Variants in ABCC11 observed in about 807,000 individuals in gnomAD.
The protein encoded by ABCC11 is ATP binding cassette subfamily C member 11, also known as ATP-binding cassette sub-family C member 11.
A neutral mutation model predicts 149.3 loss-of-function variants in ABCC11; 135 were observed. That is an observed-to-expected ratio of 0.90 (90% CI 0.79 to 1.04). The LOEUF (loss-of-function observed/expected upper bound fraction) is 1.04. Ranked by LOEUF, ABCC11 falls within the 50% of genes least tolerant of loss-of-function variation. The pLI, the probability that ABCC11 is intolerant of heterozygous loss-of-function variation, is 0.00. For missense variants in ABCC11, 1,680 were observed against 1,722.1 expected (o/e 0.98, Z 0.43); for synonymous variants, 665 against 671.4 (o/e 0.99, Z 0.15).
At position 48,216,271 on chromosome 16, in the gene ABCC11, G is replaced by A; in HGVS notation, c.794C>T (p.Thr265Ile). Residue 265 changes from threonine (T) to isoleucine (I), a missense_variant, in exon 7 of 30, where the codon ACC (threonine) becomes ATC (isoleucine). Coordinates refer to ENST00000356608, the MANE Select transcript of ABCC11 (RefSeq NM_001370497.1). The part of the protein sequence containing the change: ...ITSGEAISFF[T>I]GDVNYLFEGV... ...TTCAAACAGGTAGTTTACATCACCGGTGAAGAAGCTGATGGCCTGCAAGAC... is the reference window on the plus strand; with the variant it reads ...TTCAAACAGGTAGTTTACATCACCGATGAAGAAGCTGATGGCCTGCAAGAC... 6.2e-7 allele frequency: 1 copy of A among 1,613,208 alleles called. No homozygotes were observed. The highest frequency in any genetic ancestry group is 8.5e-7 in the Non-Finnish European group (1 of 1,179,828).
chr16:48,171,751 G>A (rs1376053775), intron 26 of ABCC11, among the ~76,000 whole-genome samples: 1 of 152,120 alleles, frequency 6.6e-6, no homozygotes, highest in African/African-American at 2.4e-5. Flanking sequence ...AACACTTGAG[G>A]TCAGGAGTTT....
At chr16:48,180,017 G>T (rs144711843) in intron 23 of ABCC11, among the ~76,000 whole-genome samples, 6 of 152,330 alleles carry the variant, frequency 3.9e-5, no homozygotes, top group Non-Finnish European at 7.3e-5. Flanking sequence ...GCCAGGGGCG[G>T]GTTGGAAGAC....
At chr16:48,240,334 C>T (rs1484696971) in intron 1 of ABCC11, among the ~76,000 whole-genome samples, 1 of 152,178 alleles carries the variant, frequency 6.6e-6, no homozygotes, top group Non-Finnish European at 1.5e-5. Context: ...CCATGGAATA[C>T]TATGCAGCCA....
intron 26 of ABCC11, among the ~76,000 whole-genome samples, chr16:48,174,128 A>G (rs1965887707): frequency 6.6e-6 from 1 of 152,128 alleles, no homozygotes; most frequent in South Asian, 2.1e-4. Context: ...TTTTGTACAT[A>G]TCTCTGATCT....
chr16:48,215,507 G>T (rs1315285935), intron 7 of ABCC11, among the ~76,000 whole-genome samples, 163 bp from the exon 8 acceptor site: 1 of 152,156 alleles, frequency 6.6e-6, no homozygotes, highest in African/African-American at 2.4e-5. Context: ...CATCCCAGGG[G>T]CCTTTCTTTC....
intron 20 of ABCC11, among the ~76,000 whole-genome samples, chr16:48,190,078 CA>C (rs747039685): frequency 1.3e-5 from 2 of 152,282 alleles, no homozygotes; most frequent in Non-Finnish European, 2.9e-5. Context: ...GGACTCTCCC[CA>C]CTTTCTTCCC....
intron 28 of ABCC11, among the ~76,000 whole-genome samples, chr16:48,169,059 A>T (rs1490894026): frequency 5.9e-5 from 9 of 152,334 alleles, no homozygotes; most frequent in South Asian, 2.1e-4. Context: ...AAGTAAATTT[A>T]AAAAATATAT....
chr16:48,245,273 C>T (rs1269655749), intron 1 of ABCC11, among the ~76,000 whole-genome samples: 1 of 152,170 alleles, frequency 6.6e-6, no homozygotes, highest in East Asian at 1.9e-4. Flanking sequence ...CTCACCTCTG[C>T]TCCTTCACTC....
chr16:48,212,734 T>C (rs1969030638), intron 10 of ABCC11, among the ~76,000 whole-genome samples: 1 of 152,208 alleles, frequency 6.6e-6, no homozygotes, highest in African/African-American at 2.4e-5. Flanking sequence ...TCAATAAATA[T>C]TTTTTGCATT....
chr16:48,195,643 T>C (rs1967334369), intron 18 of ABCC11, among the ~76,000 whole-genome samples: 2 of 152,258 alleles, frequency 1.3e-5, no homozygotes, highest in Admixed American at 6.5e-5. Context: ...TACCATTTAA[T>C]AAGGCAGTAG....
At chr16:48,190,014 G>A (rs147948808) in intron 20 of ABCC11, among the ~76,000 whole-genome samples, 1 of 152,280 alleles carries the variant, frequency 6.6e-6, no homozygotes, top group East Asian at 1.9e-4. Context: ...CTGGTCTTGA[G>A]CTGGCTAAAT....
intron 13 of ABCC11, among the ~76,000 whole-genome samples, chr16:48,204,327 G>A (rs983347020): frequency 6.6e-6 from 1 of 152,190 alleles, no homozygotes; most frequent in Non-Finnish European, 1.5e-5. Flanking sequence ...GTGGAACAGA[G>A]CAGGAGATTA....
At chr16:48,192,800 G>T in intron 19 of ABCC11, 83 bp from the exon 20 acceptor site, 1 of 1,356,450 alleles carries the variant, frequency 7.4e-7, no homozygotes, top group Non-Finnish European at 1.0e-6. Flanking sequence ...GGGGCCACGT[G>T]AGAATCTGTG....
chr16:48,210,509 G>T, intron 11 of ABCC11: 1 of 164,004 alleles, frequency 6.1e-6, no homozygotes, highest in Non-Finnish European at 1.3e-5. Context: ...AAAAGAGGAG[G>T]GGCGAAGAGG....
intron 6 of ABCC11, among the ~76,000 whole-genome samples, chr16:48,221,716 T>C (rs1332818631): frequency 6.6e-6 from 1 of 151,572 alleles, no homozygotes; most frequent in Non-Finnish European, 1.5e-5. Flanking sequence ...TGGCTCAGAA[T>C]AGGCCTCAGT....
At position 48,216,277 on chromosome 16, in the gene ABCC11, A is replaced by G. The variant is rs1969337425; in HGVS notation, c.788T>C (p.Phe263Ser). 1.2e-5 allele frequency: 19 copies of G among 1,612,836 alleles called. No homozygotes were observed. Among genetic ancestry groups the G allele is most frequent in the African/African-American group, 2.7e-5 (2 of 74,900 alleles). The change falls in exon 7 of 30, where the codon TTC becomes TCC. Residue 263 changes from phenylalanine (F) to serine (S), a missense_variant. Coordinates refer to ENST00000356608, the MANE Select transcript of ABCC11 (RefSeq NM_001370497.1). ...CAGGTAGTTTACATCACCGGTGAAG[A>G]AGCTGATGGCCTGCAAGACAGCAAG... Reference protein sequence around the residue: ...IHITSGEAISFFTGDVNYLFE... With the variant: ...IHITSGEAISSFTGDVNYLFE...
At chr16:48,246,252 G>C (rs1352780973) in intron 1 of ABCC11, among the ~76,000 whole-genome samples, 2 of 152,122 alleles carry the variant, frequency 1.3e-5, no homozygotes, top group Non-Finnish European at 2.9e-5. Context: ...ACCTGCTTTG[G>C]TTATTGCCTG....
At chr16:48,182,179 C>CAGAT (rs1966477321) in intron 23 of ABCC11, among the ~76,000 whole-genome samples, 1 of 152,230 alleles carries the variant, frequency 6.6e-6, no homozygotes, top group African/African-American at 2.4e-5. Flanking sequence ...TGCACTCCAG[C>CAGAT]ACATACATGC....
At chr16:48,198,638 T>C (rs1967655031) in intron 15 of ABCC11, among the ~76,000 whole-genome samples, 1 of 119,802 alleles carries the variant, frequency 8.3e-6, no homozygotes, top group South Asian at 2.5e-4. Context: ...CACTGAAGTA[T>C]TTTTTTTTTT....
Sources: gnomAD v4.1 joint callset for allele counts (sites outside exome capture counted in the v4.1 genomes callset) on GRCh38, gnomAD v4.1.1 for gene constraint, MANE v1.5 for transcripts, NCBI Gene and HGNC (gene_info 2026-07-23, HGNC 2026-07-21) for gene names.